Variants in VPS41 observed in about 807,000 individuals in gnomAD.
VPS41 encodes the protein VPS41 subunit of HOPS complex, also known as vacuolar protein sorting-associated protein 41 homolog.
In VPS41, 85 loss-of-function variants were observed where a neutral mutation model predicts 130.9. That is an observed-to-expected ratio of 0.65 (90% CI 0.55 to 0.78). The LOEUF (loss-of-function observed/expected upper bound fraction) is 0.78, where lower values mean the gene tolerates loss of function less well. Among genes scored for constraint, VPS41 ranks in the 30% least tolerant of loss-of-function variants. The pLI, the probability that VPS41 is intolerant of heterozygous loss-of-function variation, is 0.00. For missense variants in VPS41, 874 were observed against 1,018.7 expected, an observed-to-expected ratio of 0.86 and a Z score of 1.93; for synonymous variants, 335 against 332.9, an observed-to-expected ratio of 1.01 and a Z score of -0.07.
intron 9 of VPS41, among the ~76,000 whole-genome samples, chr7:38,792,957 AAC>A (rs1204984021): frequency 6.6e-6 from 1 of 152,076 alleles, no homozygotes; most frequent in Non-Finnish European, 1.5e-5. Context: ...TCCTTCTGCT[AAC>A]ACCTCCTACC....
intron 22 of VPS41, among the ~76,000 whole-genome samples, chr7:38,747,922 T>C (rs1421315539): frequency 1.3e-5 from 2 of 152,164 alleles, no homozygotes; most frequent in Non-Finnish European, 2.9e-5. Flanking sequence ...TAAGCTGAAG[T>C]TAGGAATGAC....
At chr7:38,834,723 A>G (rs1393669757) in intron 4 of VPS41, among the ~76,000 whole-genome samples, 1 of 152,170 alleles carries the variant, frequency 6.6e-6, no homozygotes, top group Non-Finnish European at 1.5e-5. Flanking sequence ...CTGGCCCAGG[A>G]AAATGTCTGA....
chr7:38,874,566 T>G (rs1010537697), intron 2 of VPS41, among the ~76,000 whole-genome samples: 1 of 152,196 alleles, frequency 6.6e-6, no homozygotes, highest in African/African-American at 2.4e-5. Flanking sequence ...GTTGGTTTCA[T>G]GTCATCAACT....
chr7:38,803,365 C>T (rs1035401069), intron 7 of VPS41, among the ~76,000 whole-genome samples: 2 of 152,186 alleles, frequency 1.3e-5, no homozygotes, highest in African/African-American at 4.8e-5. Context: ...ATACTGACCA[C>T]ACTGCTAGCT....
At chr7:38,863,500 C>T (rs1027891459) in intron 3 of VPS41, among the ~76,000 whole-genome samples, 9 of 152,116 alleles carry the variant, frequency 5.9e-5, no homozygotes, top group African/African-American at 2.2e-4. Flanking sequence ...TAAAAAATAA[C>T]CTTACAGAAA....
intron 19 of VPS41, among the ~76,000 whole-genome samples, chr7:38,755,948 A>ACT (rs1167339541): frequency 6.6e-6 from 1 of 152,090 alleles, no homozygotes; most frequent in Admixed American, 6.6e-5. Flanking sequence ...TAAAGACTTG[A>ACT]CTCAGTATTT....
chr7:38,873,938 G>A (rs547919450), intron 2 of VPS41, among the ~76,000 whole-genome samples: 1 of 152,292 alleles, frequency 6.6e-6, no homozygotes, highest in Admixed American at 6.5e-5. Flanking sequence ...GTTTAGTGAT[G>A]TTGTTACAGT....
intron 4 of VPS41, among the ~76,000 whole-genome samples, chr7:38,831,972 C>T (rs944995638): frequency 1.3e-5 from 2 of 152,154 alleles, no homozygotes; most frequent in Admixed American, 6.5e-5. Context: ...CTTTTTCCCA[C>T]GTACCTCTAT....
At chr7:38,817,669 G>T (rs1435677927) in intron 7 of VPS41, 148 bp downstream of exon 7, 18 of 745,760 alleles carry the variant, frequency 2.4e-5, no homozygotes, top group Non-Finnish European at 4.0e-5. Context: ...TCCCCCAAGA[G>T]ATGATGATCA....
At chr7:38,731,279 T>C (rs1159275059) in intron 25 of VPS41, among the ~76,000 whole-genome samples, 1 of 152,222 alleles carries the variant, frequency 6.6e-6, no homozygotes, top group African/African-American at 2.4e-5. Flanking sequence ...AAGATTATAA[T>C]GTACTACAAT....
At chr7:38,759,918 T>C (rs143043014) in intron 17 of VPS41, among the ~76,000 whole-genome samples, 5 of 152,284 alleles carry the variant, frequency 3.3e-5, no homozygotes, top group African/African-American at 9.6e-5. Context: ...AGTGAAACTG[T>C]CCAGCATTCT....
chr7:38,891,582 CCT>C (rs1441564888), intron 2 of VPS41, among the ~76,000 whole-genome samples: 3 of 152,192 alleles, frequency 2.0e-5, no homozygotes, highest in Non-Finnish European at 4.4e-5. Context: ...TGCCATATTG[CCT>C]CTGTCTGCAA....
In VPS41 at chr7:38,831,478, T is replaced by C. The variant is rs1016302440; in HGVS notation, c.247-1150A>G. 6 of 214,564 alleles carry C rather than the reference T, an allele frequency of 2.8e-5. No individual in the cohort carries two copies. In the East Asian group the frequency reaches 8.4e-4, roughly 30 times the overall value. The allele number at this position is 214,564 out of a possible 1,614,324, so 13.3% of individuals were successfully genotyped here. A position where few individuals can be genotyped will look rare whatever the true frequency, so the allele number is the denominator to read the frequency against. ...CAGTAAGTTCTACTGGAGAGCGTTG[T>C]TCTGTGCTCAGAAAACTGAGATCCA... On this transcript the variant is annotated intron_variant, in intron 4 of 28. Transcript: ENST00000310301.
At chr7:38,828,384 T>C (rs751547329) in intron 5 of VPS41, among the ~76,000 whole-genome samples, 4 of 152,158 alleles carry the variant, frequency 2.6e-5, no homozygotes, top group Non-Finnish European at 5.9e-5. Context: ...AATTATGACT[T>C]GAAAACTGAA....
intron 7 of VPS41, among the ~76,000 whole-genome samples, chr7:38,798,841 T>G (rs1036236579): frequency 2.0e-5 from 3 of 152,232 alleles, no homozygotes; most frequent in Admixed American, 2.0e-4. Flanking sequence ...AGTCTGCACC[T>G]GTGTTGAAAA....
At chr7:38,796,511 C>T (rs1222142724) in intron 8 of VPS41, 2 of 633,878 alleles carry the variant, frequency 3.2e-6, no homozygotes, top group East Asian at 3.4e-5. Context: ...ACTCTCCATG[C>T]CTCAGGTTTC....
intron 22 of VPS41, among the ~76,000 whole-genome samples, chr7:38,746,959 C>T (rs533412260): frequency 7.9e-5 from 12 of 152,316 alleles, no homozygotes; most frequent in Non-Finnish European, 1.6e-4. Context: ...GCATGGTGCT[C>T]TCAGCAGGGC....
At chr7:38,769,002 G>A (rs184908524) in intron 14 of VPS41, among the ~76,000 whole-genome samples, 2 of 152,182 alleles carry the variant, frequency 1.3e-5, no homozygotes, top group East Asian at 1.9e-4. Context: ...ACTCAGAACC[G>A]TACTTTATAA....
At position 38,741,945 on chromosome 7, in the gene VPS41, AC is replaced by A. The variant is rs750357327; in HGVS notation, c.2259+39del. On this transcript the variant is annotated intron_variant, in intron 25 of 28. Transcript: ENST00000310301. ...GAAATATTTATCCAGTACTAAGTCA[AC>A]TAATTCAGATGCTCATTTGTCCAAG... 17 of 1,609,562 alleles carry A rather than the reference AC, an allele frequency of 1.1e-5. No homozygotes were observed. The African/African-American group carries it at 2.0e-4, about 19-fold the overall frequency.
Sources: gnomAD v4.1 joint callset for allele counts (sites outside exome capture counted in the v4.1 genomes callset) on GRCh38, gnomAD v4.1.1 for gene constraint, MANE v1.5 for transcripts, NCBI Gene and HGNC (gene_info 2026-07-23, HGNC 2026-07-21) for gene names.